The following NCR2 variants were observed in gnomAD, a reference collection of about 807,000 sequenced individuals.
The protein encoded by NCR2 is NK cell activating receptor (NKp44).
NCR2 carries 35 observed loss-of-function variants against 30.7 expected under a neutral mutation model. That is an observed-to-expected ratio of 1.14 (90% CI 0.87 to 1.51). The LOEUF is 1.51. Ranked by LOEUF, NCR2 falls within the 40% of genes most tolerant of loss-of-function variation. NCR2 has a pLI of 0.00. For synonymous variants in NCR2, 146 were observed against 134.8 expected (o/e 1.08, Z -0.58); for missense variants, 316 against 328.9 (o/e 0.96, Z 0.30).
chr6:41,337,764 A>T (rs774029513), intron 2 of NCR2, among the ~76,000 whole-genome samples: 2 of 152,242 alleles, frequency 1.3e-5, no homozygotes, highest in African/African-American at 2.4e-5. Context: ...GAAGCAAGCG[A>T]TGCTGTAATT....
chr6:41,346,087 C>A (rs953519058), intron 4 of NCR2, among the ~76,000 whole-genome samples: 1 of 152,126 alleles, frequency 6.6e-6, no homozygotes, highest in Non-Finnish European at 1.5e-5. Context: ...GGGTGACCAC[C>A]CATCATCACT....
intron 2 of NCR2, 47 bp downstream of exon 2, chr6:41,336,475 T>G (rs1769034754): frequency 6.6e-7 from 1 of 1,507,800 alleles, no homozygotes; most frequent in Admixed American, 1.8e-5. Context: ...CTCACCCCCT[T>G]TTGGTGCCTC....
intron 2 of NCR2, 123 bp downstream of exon 2, chr6:41,336,551 G>T: frequency 1.3e-6 from 1 of 761,796 alleles, no homozygotes; most frequent in Non-Finnish European, 2.1e-6. Flanking sequence ...TGGGAAGGCT[G>T]TTGGGAACAG....
chr6:41,342,943 C>T (rs1000061826), intron 4 of NCR2: 3 of 1,550,600 alleles, frequency 1.9e-6, no homozygotes, highest in African/African-American at 2.7e-5. Flanking sequence ...GCACATGCAG[C>T]ATCAAGGGAG....
At chr6:41,339,120 G>T (rs944049471) in intron 2 of NCR2, among the ~76,000 whole-genome samples, 1 of 152,174 alleles carries the variant, frequency 6.6e-6, no homozygotes, top group African/African-American at 2.4e-5. Flanking sequence ...GGAGTGCAGT[G>T]GTGCAATCTC....
chr6:41,342,944 A>T (rs1410479159), intron 4 of NCR2: 1 of 1,550,592 alleles, frequency 6.4e-7, no homozygotes, highest in Non-Finnish European at 8.7e-7. Context: ...CACATGCAGC[A>T]TCAAGGGAGG....
chr6:41,336,369 AC>A lies in NCR2; in HGVS notation c.337del (p.Arg113AlafsTer90), dbSNP rs1265809744. 1.2e-6 allele frequency: 2 copies of A among 1,613,946 alleles called. No individual in the cohort carries two copies. Among genetic ancestry groups the A allele is most frequent in the East Asian group, 4.5e-5 (2 of 44,864 alleles). On this transcript the variant is annotated frameshift_variant, in exon 2 of 5. Transcript: ENST00000373089. LOFTEE classifies it high-confidence loss of function. ...TCAGGACATTACTGGTGTAGAATCT[AC>A]CGCCCTTCTGACAACTCTGTCTCTA... ...EDSGHYWCRIYRPSDNSVSKS... is the reference protein window; with the variant it reads ...EDSGHYWCRIXRPSDNSVSKS...
chr6:41,344,230 C>T (rs192142814), intron 4 of NCR2, among the ~76,000 whole-genome samples: 1 of 152,286 alleles, frequency 6.6e-6, no homozygotes, highest in Non-Finnish European at 1.5e-5. Flanking sequence ...GATCAGCCAC[C>T]CCTGTAGCAC....
Position 41,341,927 on chromosome 6 carries a change from A to G in NCR2, c.528A>G (p.Ser176=). 6.2e-7 allele frequency: 1 copy of G among 1,613,764 alleles called. No homozygotes were observed. The highest frequency in any genetic ancestry group is 8.5e-7 in the Non-Finnish European group (1 of 1,179,780). The part of the protein sequence containing the change: ...PESPSTIPVP[S]QPQNSTLRPG... Reference sequence around the variant, plus strand: ...CTCCATCTACCATCCCTGTCCCTTCACAGTGAGTTTCGGGGTGCCCGTAGC... The same window carrying G: ...CTCCATCTACCATCCCTGTCCCTTCGCAGTGAGTTTCGGGGTGCCCGTAGC... The change falls in exon 3 of 5, where the codon TCA becomes TCG. Residue 176 remains serine, a splice_region_variant and synonymous_variant. Coordinates refer to ENST00000373089, the MANE Select transcript of NCR2 (RefSeq NM_004828.4).
In NCR2 at chr6:41,337,762, C is replaced by T. The variant is rs146551511; in HGVS notation, c.394+1334C>T. Among the ~76,000 whole-genome samples, 913 of 152,244 alleles carry T rather than the reference C, an allele frequency of 6.0e-3. 6 individuals carry two copies. Among genetic ancestry groups the T allele is most frequent in the Middle Eastern group, 0.014 (4 of 294 alleles). ...TTTAACTTTTACAAAAGGAAGCAAG[C>T]GATGCTGTAATTTCAAAATGCATCT... is the stretch of plus-strand genomic sequence containing the variant. On this transcript the variant is annotated intron_variant, in intron 2 of 4. Transcript: ENST00000373089.
chr6:41,336,468 AC>A (rs1404953567), intron 2 of NCR2, 40 bp downstream of exon 2: 1 of 1,549,498 alleles, frequency 6.5e-7, no homozygotes, highest in Non-Finnish European at 8.8e-7. Flanking sequence ...GGTGCCCCTC[AC>A]CCCCTTTTGG....
chr6:41,342,218 C>A, intron 4 of NCR2, 69 bp downstream of exon 4: 1 of 1,582,654 alleles, frequency 6.3e-7, no homozygotes, highest in Non-Finnish European at 8.6e-7. Context: ...GATAGAGGGT[C>A]AGAGGGGAAT....
At position 41,335,628 on chromosome 6, in the gene NCR2, T is replaced by A; in HGVS notation, c.-249T>A. On this transcript the variant is annotated 5_prime_UTR_variant, in exon 1 of 5. Transcript: ENST00000373089. ...AGAGCAGGCATCTTCTACAGAGGCC[T>A]GGGAAGCTGTGTGCCAGACAGCGCC... 1 of 543,316 alleles carries A rather than the reference T, an allele frequency of 1.8e-6. No individual in the cohort carries two copies. The highest frequency in any genetic ancestry group is 2.0e-5 in the South Asian group (1 of 49,884). 33.7% of individuals were successfully genotyped at this position (543,316 alleles called of 1,614,324 possible).
chr6:41,339,721 T>A (rs1033060349), intron 2 of NCR2, among the ~76,000 whole-genome samples: 12 of 152,182 alleles, frequency 7.9e-5, no homozygotes, highest in African/African-American at 2.4e-4. Context: ...CATCTGCAAA[T>A]TTCCCTTTGC....
intron 1 of NCR2, 42 bp downstream of exon 1, chr6:41,335,970 T>A (rs367629645): frequency 8.9e-6 from 14 of 1,576,224 alleles, no homozygotes; most frequent in Non-Finnish European, 1.2e-5. Flanking sequence ...GAGATGGGTG[T>A]GGTGGGGACT....
At chr6:41,348,253 G>T (rs750172610) in intron 4 of NCR2, among the ~76,000 whole-genome samples, 1 of 152,124 alleles carries the variant, frequency 6.6e-6, no homozygotes, top group East Asian at 1.9e-4. Context: ...CCATTATGGC[G>T]TCAGGATGAG....
At chr6:41,340,490 AC>A (rs1348598955) in intron 2 of NCR2, among the ~76,000 whole-genome samples, 1 of 152,102 alleles carries the variant, frequency 6.6e-6, no homozygotes, top group African/African-American at 2.4e-5. Flanking sequence ...AGTATCACAC[AC>A]TGTAACATGG....
chr6:41,348,470 A>G (rs1296092582), intron 4 of NCR2, among the ~76,000 whole-genome samples: 1 of 149,810 alleles, frequency 6.7e-6, no homozygotes, highest in African/African-American at 2.4e-5. Flanking sequence ...GGAGACAAAA[A>G]AAAAAGTCAC....
chr6:41,337,045 C>A (rs1769050706), intron 2 of NCR2, among the ~76,000 whole-genome samples: 2 of 152,084 alleles, frequency 1.3e-5, no homozygotes. Context: ...GCAGCTGTGA[C>A]AGAGACCACA....
Sources: gnomAD v4.1 joint callset for allele counts (sites outside exome capture counted in the v4.1 genomes callset) on GRCh38, gnomAD v4.1.1 for gene constraint, MANE v1.5 for transcripts, NCBI Gene and HGNC (gene_info 2026-07-23, HGNC 2026-07-21) for gene names.